Variants in SLC30A8 observed in about 807,000 individuals in gnomAD.
SLC30A8 encodes the protein solute carrier family 30 member 8, also known as proton-coupled zinc antiporter SLC30A8.
In SLC30A8, 27 loss-of-function variants were observed where a neutral mutation model predicts 36.9. That is an observed-to-expected ratio of 0.73 (90% CI 0.54 to 1.01). SLC30A8 has a LOEUF of 1.01. Ranked by LOEUF, SLC30A8 falls within the 50% of genes least tolerant of loss-of-function variation. SLC30A8 has a pLI of 0.00. For synonymous variants in SLC30A8, 164 were observed against 172.4 expected (o/e 0.95, Z 0.38); for missense variants, 439 against 452.0 (o/e 0.97, Z 0.26).
chr8:116,976,669 G>A (rs1815023531), intron 1 of SLC30A8, among the ~76,000 whole-genome samples: 1 of 152,146 alleles, frequency 6.6e-6, no homozygotes, highest in Non-Finnish European at 1.5e-5. Context: ...GCAATTGACA[G>A]GGAATCATTC....
At chr8:117,103,356 G>C (rs999283002) in intron 2 of SLC30A8, among the ~76,000 whole-genome samples, 1 of 152,134 alleles carries the variant, frequency 6.6e-6, no homozygotes, top group Non-Finnish European at 1.5e-5. Flanking sequence ...GATGCTCAGA[G>C]AGCCTGAGGC....
At chr8:117,053,871 T>C (rs1173815622) in intron 2 of SLC30A8, among the ~76,000 whole-genome samples, 2 of 152,182 alleles carry the variant, frequency 1.3e-5, no homozygotes, top group Admixed American at 1.3e-4. Context: ...TAGAGAAGAC[T>C]GAACAAGTAT....
chr8:117,080,316 T>G (rs1586478764), intron 2 of SLC30A8, among the ~76,000 whole-genome samples: 1 of 152,260 alleles, frequency 6.6e-6, no homozygotes, highest in East Asian at 1.9e-4. Context: ...TTTTATTTTT[T>G]TAATTATTTT....
At chr8:117,165,417 G>T (rs150024266) in intron 6 of SLC30A8, among the ~76,000 whole-genome samples, 1 of 152,138 alleles carries the variant, frequency 6.6e-6, no homozygotes, top group African/African-American at 2.4e-5. Flanking sequence ...TCAATTTTTG[G>T]TTATAAACTG....
intron 1 of SLC30A8, among the ~76,000 whole-genome samples, chr8:116,952,359 A>T (rs932950505): frequency 1.3e-5 from 2 of 152,204 alleles, no homozygotes; most frequent in South Asian, 4.1e-4. Context: ...CATAATATAC[A>T]AATAATTAAA....
intron 1 of SLC30A8, among the ~76,000 whole-genome samples, chr8:117,035,906 G>A (rs867260312): frequency 2.0e-4 from 31 of 152,168 alleles, no homozygotes; most frequent in Admixed American, 3.9e-4. Context: ...TGGACTCAGG[G>A]TGCTATGTCC....
At chr8:116,976,822 C>CTTTCTTTCTTTCTTTCTTTCTTTTT (rs1288131947) in intron 1 of SLC30A8, among the ~76,000 whole-genome samples, 3 of 34,902 alleles carry the variant, frequency 8.6e-5, no homozygotes, top group African/African-American at 3.2e-4. Context: ...TTCTTTCTTT[C>CTTTCTTTCTTTCTTTCTTTCTTTTT]TTTTTTTTTT....
Position 117,160,434 on chromosome 8 carries a change from TGC to T in SLC30A8, c.573-1299_573-1298del, listed in dbSNP as rs1554592231. Among the ~76,000 whole-genome samples, 375 of 146,246 alleles carry T rather than the reference TGC, an allele frequency of 2.6e-3. 7 individuals are homozygous for T. Among genetic ancestry groups the T allele is most frequent in the African/African-American group, 9.5e-3 (349 of 36,674 alleles). ...GTGTGTGTGTGTGTGTGTGTGTGTG[TGC>T]GCGCACATGTGCGCGCGGTGGGGGA... On this transcript the variant is annotated intron_variant, in intron 4 of 7. Coordinates refer to ENST00000456015, the MANE Select transcript of SLC30A8 (RefSeq NM_173851.3).
At chr8:116,962,223 A>G (rs1814448530) in intron 1 of SLC30A8, among the ~76,000 whole-genome samples, 1 of 152,016 alleles carries the variant, frequency 6.6e-6, no homozygotes, top group Non-Finnish European at 1.5e-5. Context: ...AATTAGGTTC[A>G]GTGATGGCTG....
chr8:117,126,898 C>A (rs140312406), intron 2 of SLC30A8, among the ~76,000 whole-genome samples: 19 of 152,112 alleles, frequency 1.2e-4, no homozygotes, highest in African/African-American at 4.6e-4. Flanking sequence ...GATGAGAATG[C>A]AGCATCTGTG....
intron 2 of SLC30A8, among the ~76,000 whole-genome samples, chr8:117,093,889 T>C (rs1027804206): frequency 1.3e-5 from 2 of 152,104 alleles, no homozygotes; most frequent in Admixed American, 6.5e-5. Flanking sequence ...TGAGTGAGCA[T>C]GGGAGGGTCC....
intron 2 of SLC30A8, among the ~76,000 whole-genome samples, chr8:117,097,815 A>T (rs867198962): frequency 4.3e-5 from 3 of 70,088 alleles, no homozygotes; most frequent in East Asian, 4.6e-4. Flanking sequence ...ATTTTAAATA[A>T]ATATATATAT....
At chr8:117,087,610 A>G (rs1223200445) in intron 2 of SLC30A8, among the ~76,000 whole-genome samples, 1 of 151,848 alleles carries the variant, frequency 6.6e-6, no homozygotes, top group African/African-American at 2.4e-5. Context: ...GGTACTCTCT[A>G]TGAGTTTCTG....
chr8:117,172,520 GCTT>G lies in SLC30A8; in HGVS notation c.965-12_965-10del, dbSNP rs1396794666. On this transcript the variant is annotated splice_polypyrimidine_tract_variant and intron_variant, in intron 7 of 7. Coordinates refer to ENST00000456015, the MANE Select transcript of SLC30A8 (RefSeq NM_173851.3). The stretch of plus-strand genomic sequence containing the variant: ...GTGCAATCAGTGCTAATCTCCCTGT[GCTT>G]CTTTATCAACAGCAGCCAGCCGGGA... The G allele has an allele frequency of 3.1e-6, 5 of 1,613,518 alleles. No homozygotes were observed. Among genetic ancestry groups the G allele is most frequent in the Admixed American group, 3.3e-5 (2 of 59,962 alleles).
intron 1 of SLC30A8, chr8:117,007,235 T>C (rs1340724415): frequency 2.0e-5 from 3 of 152,020 alleles, no homozygotes; most frequent in African/African-American, 4.8e-5. Context: ...GAGATAGAGA[T>C]GGTTAAAAAA....
chr8:117,050,998 G>A (rs1357767067), intron 2 of SLC30A8, among the ~76,000 whole-genome samples: 4 of 152,222 alleles, frequency 2.6e-5, no homozygotes, highest in African/African-American at 9.6e-5. Flanking sequence ...ATAACCACTT[G>A]TGGTGGATGA....
At chr8:116,991,946 G>T (rs1407973530) in intron 1 of SLC30A8, among the ~76,000 whole-genome samples, 1 of 152,180 alleles carries the variant, frequency 6.6e-6, no homozygotes, top group African/African-American at 2.4e-5. Context: ...CCCTGAAGAT[G>T]CAGTGCAGGG....
chr8:117,013,083 T>A (rs559080920), intron 1 of SLC30A8, among the ~76,000 whole-genome samples: 4 of 152,256 alleles, frequency 2.6e-5, no homozygotes, highest in Admixed American at 2.6e-4. Flanking sequence ...ACTACCTGTG[T>A]CAGGAGAGGT....
intron 1 of SLC30A8, among the ~76,000 whole-genome samples, chr8:117,011,124 T>C (rs922483120): frequency 7.2e-5 from 11 of 152,030 alleles, no homozygotes; most frequent in African/African-American, 2.7e-4. Context: ...AGAACGAGGG[T>C]AACTCATAGG....
Sources: allele counts gnomAD v4.1 joint callset (sites outside exome capture counted in the v4.1 genomes callset), GRCh38; gene constraint gnomAD v4.1.1; transcripts MANE v1.5; gene names NCBI Gene and HGNC (gene_info 2026-07-23, HGNC 2026-07-21).